NECTIN3: variants seen among roughly 807,000 people sequenced by gnomAD.
The protein encoded by NECTIN3 is nectin-3.
NECTIN3 carries 8 observed loss-of-function variants against 49.4 expected under a neutral mutation model. The ratio of observed to expected loss-of-function variants is 0.16; its 90% CI spans 0.10 to 0.29. The LOEUF (loss-of-function observed/expected upper bound fraction) is 0.29, where lower values mean the gene tolerates loss of function less well. NECTIN3 is among the 10% of genes least tolerant of loss of function. The probability of loss-of-function intolerance (pLI) is 1.00; values close to 1 mark genes in which losing one functional copy is unlikely to be tolerated. For synonymous variants in NECTIN3, 277 were observed against 241.1 expected (o/e 1.15, Z -1.38); for missense variants, 581 against 654.6 (o/e 0.89, Z 1.23).
intron 1 of NECTIN3, 164 bp downstream of exon 1, chr3:111,072,341 G>A: frequency 5.5e-6 from 8 of 1,447,278 alleles, no homozygotes; most frequent in Non-Finnish European, 7.2e-6. Flanking sequence ...CCGGGGCGAG[G>A]CCCTGGAAGG....
chr3:111,168,455 T>C (rs568066502), intron 7 of NECTIN3, among the ~76,000 whole-genome samples: 369 of 130,298 alleles, frequency 2.8e-3, no homozygotes, highest in African/African-American at 0.016. Flanking sequence ...CTAACATATA[T>C]GTGTGTGCAT....
chr3:111,146,829 T>C (rs1039627096), intron 6 of NECTIN3, among the ~76,000 whole-genome samples: 1 of 152,170 alleles, frequency 6.6e-6, no homozygotes, highest in African/African-American at 2.4e-5. Context: ...TTAAAATATA[T>C]GAAAATGTTG....
intron 1 of NECTIN3, chr3:111,072,453 C>A (rs1195861505): frequency 6.5e-7 from 1 of 1,535,062 alleles, no homozygotes; most frequent in Non-Finnish European, 8.7e-7. Context: ...CTTCGTGCGC[C>A]GAACTCCGGG....
intron 1 of NECTIN3, among the ~76,000 whole-genome samples, chr3:111,111,718 A>T (rs1229157229): frequency 1.3e-4 from 20 of 152,202 alleles, no homozygotes; most frequent in Admixed American, 1.2e-3. Context: ...TGTACTTCCA[A>T]GTCAACTTGG....
intron 5 of NECTIN3, among the ~76,000 whole-genome samples, chr3:111,131,875 A>G (rs962930294): frequency 2.0e-5 from 3 of 151,906 alleles, no homozygotes; most frequent in African/African-American, 4.8e-5. Flanking sequence ...TATTTAAATT[A>G]TAAATAATTA....
At chr3:111,111,138 C>T (rs1425379677) in intron 1 of NECTIN3, among the ~76,000 whole-genome samples, 1 of 152,042 alleles carries the variant, frequency 6.6e-6, no homozygotes, top group African/African-American at 2.4e-5. Flanking sequence ...TTGTAGACCT[C>T]CAAGGACTTG....
At chr3:111,114,749 A>T (rs2033618079) in intron 2 of NECTIN3, among the ~76,000 whole-genome samples, 1 of 152,184 alleles carries the variant, frequency 6.6e-6, no homozygotes, top group Non-Finnish European at 1.5e-5. Context: ...AATGATATGC[A>T]GTTCACCCTT....
At chr3:111,180,825 T>G (rs2035612665) in intron 7 of NECTIN3, among the ~76,000 whole-genome samples, 1 of 152,236 alleles carries the variant, frequency 6.6e-6, no homozygotes, top group South Asian at 2.1e-4. Context: ...ATTTAATATG[T>G]ACTTTTTTCG....
intron 2 of NECTIN3, 39 bp from the exon 3 acceptor site, chr3:111,118,617 G>A: frequency 6.9e-7 from 1 of 1,458,730 alleles, no homozygotes; most frequent in East Asian, 2.5e-5. Context: ...ACATATTCTT[G>A]TTTGAATGTA....
Position 111,134,341 on chromosome 3 carries a change from A to G in NECTIN3, c.*126A>G. The stretch of plus-strand genomic sequence containing the variant: ...AAGTTGATTTTCAAGCTTACTTTTT[A>G]TATTCTAATCTGACAAATGAAAATG... On this transcript the variant is annotated 3_prime_UTR_variant, in exon 6 of 6. Transcript: ENST00000485303. The G allele has an allele frequency of 7.0e-7, 1 of 1,431,854 alleles. No individual in the cohort carries two copies. The highest frequency in any genetic ancestry group is 9.1e-7 in the Non-Finnish European group (1 of 1,096,536). The allele number at this position is 1,431,854 out of a possible 1,614,324, so 88.7% of individuals were successfully genotyped here.
At chr3:111,168,454 ATG>A (rs1390595295) in intron 7 of NECTIN3, among the ~76,000 whole-genome samples, 5 of 131,122 alleles carry the variant, frequency 3.8e-5, no homozygotes, top group Middle Eastern at 3.4e-3. Context: ...ACTAACATAT[ATG>A]TGTGTGCATA....
chr3:111,139,158 A>T (rs991738099), downstream of NECTIN3, among the ~76,000 whole-genome samples: 1 of 151,718 alleles, frequency 6.6e-6, no homozygotes, highest in African/African-American at 2.4e-5. Flanking sequence ...TTTGAAAAAT[A>T]AAAGACCTTT....
chr3:111,109,272 T>C (rs573501641), intron 1 of NECTIN3, among the ~76,000 whole-genome samples: 1 of 152,280 alleles, frequency 6.6e-6, no homozygotes, highest in Non-Finnish European at 1.5e-5. Flanking sequence ...GAATGAATTT[T>C]AGGGAGGACA....
intron 7 of NECTIN3, among the ~76,000 whole-genome samples, chr3:111,187,289 G>A (rs1228528708): frequency 6.6e-6 from 1 of 152,162 alleles, no homozygotes; most frequent in Non-Finnish European, 1.5e-5. Context: ...TGTAGTCCCA[G>A]CTACTTGGGA....
chr3:111,166,446 C>T (rs1346308512), intron 7 of NECTIN3, among the ~76,000 whole-genome samples: 1 of 152,136 alleles, frequency 6.6e-6, no homozygotes, highest in African/African-American at 2.4e-5. Flanking sequence ...TTGAATAATG[C>T]CCAAACTAAA....
At chr3:111,175,305 G>A (rs2035507054) in intron 7 of NECTIN3, among the ~76,000 whole-genome samples, 1 of 151,794 alleles carries the variant, frequency 6.6e-6, no homozygotes, top group Non-Finnish European at 1.5e-5. Context: ...ATGAAAACAG[G>A]AATGTTGTCC....
chr3:111,109,262 G>C (rs2033352340), intron 1 of NECTIN3, among the ~76,000 whole-genome samples: 1 of 152,084 alleles, frequency 6.6e-6, no homozygotes, highest in African/African-American at 2.4e-5. Flanking sequence ...CAGAGCTTCA[G>C]AATGAATTTT....
chr3:111,183,989 T>C (rs1413418890), intron 7 of NECTIN3, among the ~76,000 whole-genome samples: 1 of 152,170 alleles, frequency 6.6e-6, no homozygotes, highest in Admixed American at 6.5e-5. Context: ...AAATAGTAGA[T>C]TTTTTGATAT....
intron 7 of NECTIN3, among the ~76,000 whole-genome samples, chr3:111,179,090 A>G (rs1274641118): frequency 1.3e-5 from 2 of 152,204 alleles, no homozygotes; most frequent in African/African-American, 4.8e-5. Flanking sequence ...TATAAGTTGT[A>G]ATTGTAGTTT....
Sources: gnomAD v4.1 joint callset for allele counts (sites outside exome capture counted in the v4.1 genomes callset) on GRCh38, gnomAD v4.1.1 for gene constraint, MANE v1.5 for transcripts, NCBI Gene and HGNC (gene_info 2026-07-23, HGNC 2026-07-21) for gene names.